TGFBI: variants seen among roughly 807,000 people sequenced by gnomAD.
TGFBI encodes the protein transforming growth factor-beta-induced protein ig-h3.
TGFBI carries 50 observed loss-of-function variants against 73.7 expected under a neutral mutation model. That is an observed-to-expected ratio of 0.68 (90% CI 0.54 to 0.86). TGFBI has a LOEUF of 0.86. Ranked by LOEUF, TGFBI falls within the 40% of genes least tolerant of loss-of-function variation. The probability of loss-of-function intolerance (pLI) is 0.00; values close to 1 mark genes in which losing one functional copy is unlikely to be tolerated. For missense variants in TGFBI, 839 were observed against 877.0 expected (o/e 0.96, Z 0.55); for synonymous variants, 362 against 360.5 (o/e 1.00, Z -0.05).
At position 136,061,475 on chromosome 5, in the gene TGFBI, A is replaced by G. The variant is rs372994080; in HGVS notation, c.1907-25A>G. ...CATGCTAATGGTTTCACTCTGGTCA[A>G]ACCTGCCTTTTCTTTCCTCTTCAGC... On this transcript the variant is annotated intron_variant, in intron 14 of 16. Transcript: ENST00000442011. 42 of 1,570,332 alleles carry G rather than the reference A, an allele frequency of 2.7e-5. No individual in the cohort carries two copies. The South Asian group carries it at 4.8e-4, about 18-fold the overall frequency.
chr5:136,058,628 A>G (rs1015969736), intron 12 of TGFBI: 1 of 155,310 alleles, frequency 6.4e-6, no homozygotes, highest in Non-Finnish European at 1.4e-5. Flanking sequence ...CAGAATGTGC[A>G]TTTGAGGGCA....
rs142145618 is a variant in TGFBI, at chr5:136,063,345, G to A, written c.*119G>A. Reference sequence around the variant, plus strand: ...TATCACACTTTAATGTACATGGGCCGCACCATAATGAGATGTGAGCCTTGT... The same window carrying A: ...TATCACACTTTAATGTACATGGGCCACACCATAATGAGATGTGAGCCTTGT... On this transcript the variant is annotated 3_prime_UTR_variant, in exon 17 of 17. Transcript: ENST00000442011. 2.2e-4 allele frequency: 195 copies of A among 876,576 alleles called. 1 individual carries two copies. Among genetic ancestry groups the A allele is most frequent in the Non-Finnish European group, 3.0e-4 (165 of 541,124 alleles). 54.3% of individuals were successfully genotyped at this position (876,576 alleles called of 1,614,324 possible).
intron 4 of TGFBI, 63 bp downstream of exon 4, chr5:136,046,558 T>C: frequency 6.7e-7 from 1 of 1,502,054 alleles, no homozygotes; most frequent in Non-Finnish European, 8.9e-7. Context: ...CCCCGAGGGG[T>C]GGGCATGATG....
intron 2 of TGFBI, among the ~76,000 whole-genome samples, chr5:136,038,363 A>G (rs922873756): frequency 6.6e-6 from 1 of 152,226 alleles, no homozygotes; most frequent in Non-Finnish European, 1.5e-5. Context: ...TAAGGATCAT[A>G]AGAGGGAGAG....
chr5:136,046,190 C>A (rs1751422732), intron 3 of TGFBI, 145 bp from the exon 4 acceptor site: 3 of 911,322 alleles, frequency 3.3e-6, no homozygotes, highest in South Asian at 3.9e-5. Context: ...TTAAGCCCCC[C>A]AGAAACAGCC....
At chr5:136,049,389 G>A (rs1445852033) in intron 6 of TGFBI, 50 bp from the exon 7 acceptor site, 1 of 1,596,942 alleles carries the variant, frequency 6.3e-7, no homozygotes, top group Non-Finnish European at 8.6e-7. Context: ...ATCTTCTGTG[G>A]GGAGTGCCAG....
chr5:136,058,015 C>G (rs1201831948), intron 12 of TGFBI, among the ~76,000 whole-genome samples: 1 of 152,098 alleles, frequency 6.6e-6, no homozygotes, highest in Non-Finnish European at 1.5e-5. Context: ...CACCCTCCCC[C>G]AGGCCTGAGG....
In TGFBI at chr5:136,046,508, C is replaced by G. The variant is rs762895212; in HGVS notation, c.459+13C>G. ...CTCCTTGCCAGCTGTGAGATGACCT[C>G]CGTCTGCCCGGGGGACTCTTATGGG... On this transcript the variant is annotated intron_variant, in intron 4 of 16. Transcript: ENST00000442011. 5.6e-6 allele frequency: 9 copies of G among 1,594,248 alleles called. No individual in the cohort carries two copies. The highest frequency in any genetic ancestry group is 6.0e-6 in the Non-Finnish European group (7 of 1,168,560).
chr5:136,039,532 T>A (rs1486896139), intron 2 of TGFBI, among the ~76,000 whole-genome samples: 1 of 152,154 alleles, frequency 6.6e-6, no homozygotes, highest in Non-Finnish European at 1.5e-5. Context: ...GATGCCTTTG[T>A]CTCAGGGTCA....
intron 6 of TGFBI, chr5:136,047,764 T>G: frequency 8.4e-6 from 2 of 237,802 alleles, no homozygotes; most frequent in African/African-American, 2.2e-5. Flanking sequence ...ATAAATGGCC[T>G]ATCAGGCTGT....
intron 9 of TGFBI, 143 bp downstream of exon 9, chr5:136,054,223 C>T: frequency 8.4e-7 from 1 of 1,194,232 alleles, no homozygotes; most frequent in Non-Finnish European, 1.2e-6. Context: ...GATGTGACTT[C>T]AGCAGAAACT....
rs45507095 is a variant in TGFBI at position 136,037,881 on chromosome 5, T to C, written c.233+4020T>C. Among the ~76,000 whole-genome samples, 6 of 152,166 alleles carry C rather than the reference T, an allele frequency of 3.9e-5. No individual in the cohort carries two copies. In the East Asian group the frequency reaches 1.2e-3, roughly 29 times the overall value. On this transcript the variant is annotated intron_variant, in intron 2 of 16. Coordinates refer to ENST00000442011, the MANE Select transcript of TGFBI (RefSeq NM_000358.3). The stretch of plus-strand genomic sequence containing the variant: ...GTAGGTGTCCTTCTGGGCAGGGCAC[T>C]GGGGACAGCTGACGTGAAGGTGAAG...
chr5:136,053,076 C>T lies in TGFBI; in HGVS notation c.1083C>T (p.Asn361=), dbSNP rs199645034. 5.9e-4 allele frequency: 958 copies of T among 1,614,054 alleles called. 1 individual carries two copies. Among genetic ancestry groups the T allele is most frequent in the Non-Finnish European group, 7.6e-4 (902 of 1,179,898 alleles). ...CCAATAAAGACATCCTAGCCACCAA[C>T]GGGGTGATCCACTACATTGATGAGC... ...IISNKDILAT[N]GVIHYIDELL... The change falls in exon 8 of 17, where the codon AAC becomes AAT. Residue 361 remains asparagine (N), a synonymous_variant. Coordinates refer to ENST00000442011, the MANE Select transcript of TGFBI (RefSeq NM_000358.3).
At chr5:136,061,412 G>A (rs1039025959) in intron 14 of TGFBI, 88 bp from the exon 15 acceptor site, 2 of 907,236 alleles carry the variant, frequency 2.2e-6, no homozygotes, top group Non-Finnish European at 3.6e-6. Flanking sequence ...GAGCCAGAAA[G>A]CCCACCAGTG....
At chr5:136,054,356 A>G (rs1337135354) in intron 9 of TGFBI, among the ~76,000 whole-genome samples, 1 of 152,208 alleles carries the variant, frequency 6.6e-6, no homozygotes, top group Non-Finnish European at 1.5e-5. Context: ...GACATCTGGG[A>G]GAGCAGAGCA....
chr5:136,063,388 G>A lies in TGFBI; in HGVS notation c.*162G>A. On this transcript the variant is annotated 3_prime_UTR_variant, in exon 17 of 17. Transcript: ENST00000442011. The stretch of plus-strand genomic sequence containing the variant: ...AGCCTTGTGCATGTGGGGGAGGAGG[G>A]AGAGAGATGTACTTTTTAAATCATG... 1.5e-6 allele frequency: 1 copy of A among 656,448 alleles called. No individual in the cohort carries two copies. Among genetic ancestry groups the A allele is most frequent in the East Asian group, 2.8e-5 (1 of 36,060 alleles). The allele number at this position is 656,448 out of a possible 1,614,324, so 40.7% of individuals were successfully genotyped here.
intron 5 of TGFBI, 68 bp downstream of exon 5, chr5:136,047,083 GGCTGGTTTCTGGGGTTTAA>G: frequency 6.3e-7 from 1 of 1,583,972 alleles, no homozygotes; most frequent in Non-Finnish European, 8.6e-7. Flanking sequence ...TCCATGTGTG[GGCTGGTTTCTGGGGTTTAA>G]GCTGTAGACA....
chr5:136,057,328 A>G (rs1241933179), intron 12 of TGFBI, among the ~76,000 whole-genome samples: 6 of 152,334 alleles, frequency 3.9e-5, no homozygotes, highest in Admixed American at 3.3e-4. Context: ...ACCTATGAGC[A>G]CAGTGATAAT....
At position 136,063,247 on chromosome 5, in the gene TGFBI, A is replaced by G. The variant is rs886059928; in HGVS notation, c.*21A>G. On this transcript the variant is annotated 3_prime_UTR_variant, in exon 17 of 17. Coordinates refer to ENST00000442011, the MANE Select transcript of TGFBI (RefSeq NM_000358.3). ...ATTAGCTTGAAGCACTACAGGAGGAATGCACCACGGCAGCTCTCCGCCAAT... is the reference window on the plus strand; with the variant it reads ...ATTAGCTTGAAGCACTACAGGAGGAGTGCACCACGGCAGCTCTCCGCCAAT... The G allele has an allele frequency of 2.5e-6, 4 of 1,609,642 alleles. No homozygotes were observed. The highest frequency in any genetic ancestry group is 3.4e-6 in the Non-Finnish European group (4 of 1,176,174).
Sources: allele counts gnomAD v4.1 joint callset (sites outside exome capture counted in the v4.1 genomes callset), GRCh38; gene constraint gnomAD v4.1.1; transcripts MANE v1.5; gene names NCBI Gene and HGNC (gene_info 2026-07-23, HGNC 2026-07-21).